The following CREB5 variants were observed in gnomAD, a reference collection of about 807,000 sequenced individuals.
CREB5 encodes cyclic AMP-responsive element-binding protein 5.
CREB5 carries 19 observed loss-of-function variants against 57.1 expected under a neutral mutation model. That is an observed-to-expected ratio of 0.33 (90% CI 0.23 to 0.49). CREB5 has a LOEUF of 0.49. Among genes scored for constraint, CREB5 ranks in the 20% least tolerant of loss-of-function variants. The pLI is 0.99. For synonymous variants in CREB5, 238 were observed against 238.3 expected (o/e 1.00, Z 0.01); for missense variants, 579 against 671.6 (o/e 0.86, Z 1.52).
At chr7:28,560,879 C>CGTGTGTGTGTGCGCGT (rs1215492156) in intron 4 of CREB5, among the ~76,000 whole-genome samples, 12 of 22,054 alleles carry the variant, frequency 5.4e-4, no homozygotes, top group Non-Finnish European at 1.0e-3. Context: ...CGTGCGCGTG[C>CGTGTGTGTGTGCGCGT]GTGCGTGCGT....
chr7:28,719,256 A>G (rs974689751), intron 6 of CREB5, among the ~76,000 whole-genome samples: 3 of 152,218 alleles, frequency 2.0e-5, no homozygotes, highest in Non-Finnish European at 4.4e-5. Flanking sequence ...GATAATAACT[A>G]TAATAATATC....
chr7:28,735,958 C>G (rs1480483434), intron 7 of CREB5, among the ~76,000 whole-genome samples: 1 of 151,990 alleles, frequency 6.6e-6, no homozygotes, highest in Admixed American at 6.5e-5. Flanking sequence ...GCAGACGCCA[C>G]CACGCCCAGC....
intron 3 of CREB5, among the ~76,000 whole-genome samples, chr7:28,500,318 C>T (rs1282766790): frequency 6.6e-6 from 1 of 152,142 alleles, no homozygotes; most frequent in African/African-American, 2.4e-5. Flanking sequence ...TGTCCTTTCT[C>T]CCTGACCGCT....
chr7:28,392,999 A>G (rs780156058), intron 1 of CREB5, among the ~76,000 whole-genome samples: 27 of 151,622 alleles, frequency 1.8e-4, no homozygotes, highest in Admixed American at 1.7e-3. Flanking sequence ...ATCTTGGCTC[A>G]CCGCAACCTC....
At chr7:28,304,200 G>A (rs1388544714) in intron 1 of CREB5, among the ~76,000 whole-genome samples, 1 of 152,118 alleles carries the variant, frequency 6.6e-6, no homozygotes, top group Non-Finnish European at 1.5e-5. Context: ...TTTTGCGTGT[G>A]ACCAGAACAT....
At chr7:28,395,046 C>T (rs956189054) in intron 1 of CREB5, among the ~76,000 whole-genome samples, 1 of 152,004 alleles carries the variant, frequency 6.6e-6, no homozygotes, top group Non-Finnish European at 1.5e-5. Flanking sequence ...CAGCTACTTC[C>T]CTGGGGGTCT....
At chr7:28,805,345 G>C (rs1410341763) in intron 8 of CREB5, among the ~76,000 whole-genome samples, 2 of 152,144 alleles carry the variant, frequency 1.3e-5, no homozygotes, top group African/African-American at 4.8e-5. Flanking sequence ...TGGATGAAGG[G>C]CATGTCCAGG....
chr7:28,410,356 C>T (rs545702425), upstream of CREB5: 28 of 456,684 alleles, frequency 6.1e-5, no homozygotes, highest in South Asian at 4.0e-4. Flanking sequence ...TTTGGCGGCG[C>T]CCAGGCAATT....
chr7:28,657,573 A>G (rs1327138291), intron 5 of CREB5, among the ~76,000 whole-genome samples: 1 of 152,100 alleles, frequency 6.6e-6, no homozygotes, highest in Non-Finnish European at 1.5e-5. Flanking sequence ...TACTAACAAT[A>G]CAAAAATTAG....
At chr7:28,517,507 C>T (rs1186119194) in intron 4 of CREB5, among the ~76,000 whole-genome samples, 1 of 152,212 alleles carries the variant, frequency 6.6e-6, no homozygotes, top group Non-Finnish European at 1.5e-5. Flanking sequence ...CCTTGTTCTT[C>T]ACCCAAGTCC....
At chr7:28,415,464 C>A (rs1054950358) in intron 1 of CREB5, among the ~76,000 whole-genome samples, 3 of 152,176 alleles carry the variant, frequency 2.0e-5, no homozygotes, top group Admixed American at 2.0e-4. Context: ...CTTTTGATGA[C>A]TAATCTTTCA....
At chr7:28,571,331 G>A (rs573169972) in intron 5 of CREB5, among the ~76,000 whole-genome samples, 4 of 152,198 alleles carry the variant, frequency 2.6e-5, no homozygotes, top group South Asian at 2.1e-4. Flanking sequence ...TTCCACAGTC[G>A]TCCCGCCCTC....
chr7:28,659,658 T>C (rs1172519580), intron 5 of CREB5, among the ~76,000 whole-genome samples: 3 of 152,294 alleles, frequency 2.0e-5, no homozygotes, highest in African/African-American at 7.2e-5. Context: ...AAAAAACTGA[T>C]GCAATATGGA....
chr7:28,779,645 A>G (rs983016385), intron 7 of CREB5, among the ~76,000 whole-genome samples: 1 of 152,212 alleles, frequency 6.6e-6, no homozygotes, highest in African/African-American at 2.4e-5. Context: ...GTAAATAATG[A>G]GTCTTGGTCA....
upstream of CREB5, among the ~76,000 whole-genome samples, chr7:28,408,103 T>C (rs1245919978): frequency 1.3e-5 from 2 of 152,198 alleles, no homozygotes; most frequent in African/African-American, 4.8e-5. Flanking sequence ...AGTTGGGATC[T>C]GGGCTTGAAA....
At chr7:28,808,819 C>T (rs1208953549) in intron 8 of CREB5, among the ~76,000 whole-genome samples, 2 of 149,690 alleles carry the variant, frequency 1.3e-5, no homozygotes, top group African/African-American at 5.0e-5. Context: ...CCACACCTGG[C>T]CCTTACTTTA....
At chr7:28,557,169 A>G (rs1283749774) in intron 4 of CREB5, among the ~76,000 whole-genome samples, 3 of 129,036 alleles carry the variant, frequency 2.3e-5, no homozygotes, top group South Asian at 2.4e-4. Context: ...CCCAGATGTT[A>G]AAGTAGTCAA....
chr7:28,601,548 A>C (rs1796920109), intron 5 of CREB5, among the ~76,000 whole-genome samples: 1 of 152,178 alleles, frequency 6.6e-6, no homozygotes, highest in Admixed American at 6.5e-5. Context: ...TAATAGAGGC[A>C]ATTTCAAAAG....
At chr7:28,593,058 C>T (rs1201169441) in intron 5 of CREB5, among the ~76,000 whole-genome samples, 1 of 152,108 alleles carries the variant, frequency 6.6e-6, no homozygotes, top group African/African-American at 2.4e-5. Context: ...AAAGATAAAT[C>T]CAGTTGCAGA....
Sources: allele counts gnomAD v4.1 joint callset (sites outside exome capture counted in the v4.1 genomes callset), GRCh38; gene constraint gnomAD v4.1.1; transcripts MANE v1.5; gene names NCBI Gene and HGNC (gene_info 2026-07-23, HGNC 2026-07-21).